Variants in RASGEF1C observed in about 807,000 individuals in gnomAD.
RASGEF1C encodes the protein RasGEF domain family member 1C.
RASGEF1C carries 27 observed loss-of-function variants against 58.1 expected under a neutral mutation model. The ratio of observed to expected loss-of-function variants is 0.46; its 90% confidence interval spans 0.34 to 0.64. RASGEF1C has a LOEUF of 0.64. Among genes scored for constraint, RASGEF1C ranks in the 30% least tolerant of loss-of-function variants. RASGEF1C has a pLI of 0.01. For missense variants in RASGEF1C, 502 were observed against 605.1 expected (o/e 0.83, Z 1.79); for synonymous variants, 243 against 246.3 (o/e 0.99, Z 0.13).
Position 180,143,778 on chromosome 5 carries a change from T to C in RASGEF1C, c.-6-5720A>G, listed in dbSNP as rs1247876663. On this transcript the variant is annotated intron_variant, in intron 1 of 13. Transcript: ENST00000361132. The surrounding 1 kb of genome is among the most constrained non-coding windows in gnomAD (Gnocchi z 4.3). ...CAAGGTGGTCAGTTTACAGACCCTG[T>C]TCCTGCTGGGGTCCCCACATCCCTC... Among the ~76,000 whole-genome samples, 2 of 152,188 alleles carry C rather than the reference T, an allele frequency of 1.3e-5. No individual in the cohort carries two copies. The highest frequency in any genetic ancestry group is 2.9e-5 in the Non-Finnish European group (2 of 68,016).
At chr5:180,145,488 CTTG>C (rs1280466402) in intron 1 of RASGEF1C, among the ~76,000 whole-genome samples, 1 of 152,194 alleles carries the variant, frequency 6.6e-6, no homozygotes, top group Non-Finnish European at 1.5e-5. Flanking sequence ...CTTGACAATG[CTTG>C]TTGTTTTCTG....
chr5:180,133,212 GC>G (rs1028592095), intron 4 of RASGEF1C, among the ~76,000 whole-genome samples: 26 of 152,212 alleles, frequency 1.7e-4, no homozygotes, highest in African/African-American at 5.5e-4. Flanking sequence ...GCACAGGGTG[GC>G]CCGATGCTGG....
chr5:180,101,439 A>T lies in RASGEF1C; in HGVS notation c.*62T>A. 2 of 1,595,312 alleles carry T rather than the reference A, an allele frequency of 1.3e-6. No individual in the cohort carries two copies. The highest frequency in any genetic ancestry group is 1.7e-6 in the Non-Finnish European group (2 of 1,173,430). ...CTGGCCTCTGCCCACTGGGCCACTG[A>T]GGCAGGGCTGTGGACGGCTTCTGCG... is the stretch of plus-strand genomic sequence containing the variant. On this transcript the variant is annotated 3_prime_UTR_variant, in exon 14 of 14. Coordinates refer to ENST00000361132, the MANE Select transcript of RASGEF1C (RefSeq NM_175062.4).
intron 1 of RASGEF1C, among the ~76,000 whole-genome samples, chr5:180,181,392 C>T (rs556945853): frequency 2.6e-5 from 4 of 152,312 alleles, no homozygotes; most frequent in African/African-American, 9.6e-5. Flanking sequence ...CTGAAGTCCT[C>T]ACCTCCAATA....
At chr5:180,144,999 A>G (rs1234602359) in intron 1 of RASGEF1C, among the ~76,000 whole-genome samples, 10 of 152,230 alleles carry the variant, frequency 6.6e-5, no homozygotes. Flanking sequence ...TTAAGGCTGA[A>G]TACTGTTCCA....
At chr5:180,189,117 T>C (rs1028168645) in intron 1 of RASGEF1C, among the ~76,000 whole-genome samples, 1 of 152,226 alleles carries the variant, frequency 6.6e-6, no homozygotes, top group Non-Finnish European at 1.5e-5. Context: ...ATGAGATCAA[T>C]ACGTAAGCAT....
chr5:180,195,402 T>C (rs1703846810), intron 1 of RASGEF1C, among the ~76,000 whole-genome samples: 3 of 152,124 alleles, frequency 2.0e-5, no homozygotes, highest in Non-Finnish European at 1.5e-5. Flanking sequence ...ACAACATGAC[T>C]GTGAAAATGA....
intron 1 of RASGEF1C, among the ~76,000 whole-genome samples, chr5:180,195,855 G>A (rs1207952472): frequency 5.3e-5 from 8 of 151,260 alleles, no homozygotes; most frequent in Admixed American, 3.3e-4. Context: ...ACAATCCCCC[G>A]TGCATCCTCC....
chr5:180,128,108 G>A (rs1255569050), intron 5 of RASGEF1C, among the ~76,000 whole-genome samples: 1 of 152,226 alleles, frequency 6.6e-6, no homozygotes, highest in East Asian at 1.9e-4. Flanking sequence ...CTGTGTACAG[G>A]GCCTGCCTGG....
rs970782674 is a variant in RASGEF1C, at chr5:180,155,711, T to C, written c.-6-17653A>G. ...CCGCTCCGTCTTCCATCCTGTCCCT[T>C]ACTCTTGGCCCACGTTCTCAATTAC... is the stretch of plus-strand genomic sequence containing the variant. On this transcript the variant is annotated intron_variant, in intron 1 of 13. Coordinates refer to ENST00000361132, the MANE Select transcript of RASGEF1C (RefSeq NM_175062.4). The surrounding 1 kb of genome is among the most constrained non-coding windows in gnomAD (Gnocchi z 5.2). Among the ~76,000 whole-genome samples the C allele has an allele frequency of 1.3e-5, 2 of 152,070 alleles. No homozygotes were observed. Among genetic ancestry groups the C allele is most frequent in the African/African-American group, 4.8e-5 (2 of 41,412 alleles).
At chr5:180,111,702 G>A (rs1765962595) in intron 11 of RASGEF1C, 122 bp from the exon 12 acceptor site, 1 of 1,055,930 alleles carries the variant, frequency 9.5e-7, no homozygotes, top group Non-Finnish European at 1.4e-6. Flanking sequence ...CTCTGAGGAG[G>A]AGCAGGGGGC....
chr5:180,199,734 C>T (rs1257969978), intron 1 of RASGEF1C, among the ~76,000 whole-genome samples: 2 of 132,982 alleles, frequency 1.5e-5, no homozygotes, highest in Admixed American at 1.7e-4. Context: ...CGGATGGGAT[C>T]TTGTTCTGTA....
chr5:180,118,458 G>A (rs1766107252), intron 10 of RASGEF1C, 151 bp downstream of exon 10: 2 of 686,406 alleles, frequency 2.9e-6, no homozygotes, highest in African/African-American at 3.6e-5. Context: ...TTTGGGAGGT[G>A]GTGAGTTCCC....
chr5:180,122,739 C>T (rs1412404026), intron 6 of RASGEF1C, among the ~76,000 whole-genome samples: 1 of 72,480 alleles, frequency 1.4e-5, no homozygotes, highest in Non-Finnish European at 2.8e-5. Context: ...GAAACTTCAT[C>T]TAAAAAAAAA....
chr5:180,174,541 CGTGT>C (rs1358814074), intron 1 of RASGEF1C, among the ~76,000 whole-genome samples: 1 of 120,766 alleles, frequency 8.3e-6, no homozygotes, highest in South Asian at 2.5e-4. Flanking sequence ...TCTGTGTGTG[CGTGT>C]GTGCGTGTGT....
intron 1 of RASGEF1C, among the ~76,000 whole-genome samples, chr5:180,205,584 G>A (rs1756473328): frequency 6.6e-6 from 1 of 152,136 alleles, no homozygotes; most frequent in Non-Finnish European, 1.5e-5. Flanking sequence ...CAACAGCCAG[G>A]AAATCCTTGC....
intron 6 of RASGEF1C, among the ~76,000 whole-genome samples, chr5:180,122,770 CAAAAAACA>C (rs1450167956): frequency 8.5e-6 from 1 of 117,272 alleles, no homozygotes; most frequent in Non-Finnish European, 1.8e-5. Flanking sequence ...AAAACAAAAA[CAAAAAACA>C]AAAAAAAATC....
rs374379608 is a variant in RASGEF1C at position 180,114,434 on chromosome 5, C to T, written c.1179+12G>A. 97 of 1,610,360 alleles carry T rather than the reference C, an allele frequency of 6.0e-5. No homozygotes were observed. Among genetic ancestry groups the T allele is most frequent in the South Asian group, 6.6e-5 (6 of 90,688 alleles). ...CTGTCTACCTCAGTGGCGGTCCACA[C>T]GGAGGTCCTACCTCAAAGTTGACGT... On this transcript the variant is annotated intron_variant, in intron 11 of 13. Coordinates refer to ENST00000361132, the MANE Select transcript of RASGEF1C (RefSeq NM_175062.4).
chr5:180,116,498 G>T (rs1766070314), intron 10 of RASGEF1C, among the ~76,000 whole-genome samples: 1 of 152,120 alleles, frequency 6.6e-6, no homozygotes, highest in Non-Finnish European at 1.5e-5. Flanking sequence ...AGCAGCTTTT[G>T]TGGGCCTAGC....
Sources: gnomAD v4.1 joint callset for allele counts (sites outside exome capture counted in the v4.1 genomes callset) on GRCh38, gnomAD v4.1.1 for gene constraint, Gnocchi (gnomAD v3.1) non-coding constraint, MANE v1.5 for transcripts, NCBI Gene and HGNC (gene_info 2026-07-23, HGNC 2026-07-21) for gene names.